Variants in TNR observed in about 807,000 individuals in gnomAD.
TNR encodes tenascin R.
In TNR, 45 loss-of-function variants were observed where a neutral mutation model predicts 150.4. The ratio of observed to expected loss-of-function variants is 0.30; its 90% CI spans 0.24 to 0.38. The LOEUF is 0.38. TNR is among the 10% of genes least tolerant of loss of function. TNR has a pLI of 1.00. For missense variants in TNR, 1,544 were observed against 1,759.1 expected, an observed-to-expected ratio of 0.88 and a Z score of 2.19; for synonymous variants, 687 against 678.4, an observed-to-expected ratio of 1.01 and a Z score of -0.20.
chr1:175,488,994 C>T lies in TNR; in HGVS notation c.-64+39275G>A, dbSNP rs192711683. Among the ~76,000 whole-genome samples the T allele has an allele frequency of 4.1e-3, 621 of 152,224 alleles. 7 individuals are homozygous for T. Among genetic ancestry groups the T allele is most frequent in the Middle Eastern group, 0.037 (11 of 294 alleles). On this transcript the variant is annotated intron_variant, in intron 2 of 22. Coordinates refer to ENST00000367674, the MANE Select transcript of TNR (RefSeq NM_003285.3). ...ATCTGCAAGTGAATTTAAAGTCTAC[C>T]GCGGGTGGGTTGTGGTGAATGTGCC...
intron 1 of TNR, among the ~76,000 whole-genome samples, chr1:175,533,717 T>C (rs1399464566): frequency 6.6e-6 from 1 of 152,188 alleles, no homozygotes; most frequent in Non-Finnish European, 1.5e-5. Context: ...TTTCCCAGAA[T>C]CTCAGGTTTA....
chr1:175,709,018 G>C (rs1175903792), intron 1 of TNR, among the ~76,000 whole-genome samples: 2 of 147,526 alleles, frequency 1.4e-5, no homozygotes, highest in Non-Finnish European at 2.9e-5. Context: ...CCTCACGACA[G>C]CTCCATGATA....
At chr1:175,542,848 C>T (rs938110393) in intron 1 of TNR, among the ~76,000 whole-genome samples, 6 of 152,092 alleles carry the variant, frequency 3.9e-5, no homozygotes, top group African/African-American at 7.2e-5. Context: ...CGCTTTTGCC[C>T]ACATGTAGGG....
At chr1:175,538,139 A>G (rs1660366089) in intron 1 of TNR, among the ~76,000 whole-genome samples, 1 of 152,162 alleles carries the variant, frequency 6.6e-6, no homozygotes, top group Non-Finnish European at 1.5e-5. Context: ...ACAAGACACA[A>G]GGGGTCCATT....
intron 1 of TNR, among the ~76,000 whole-genome samples, chr1:175,593,658 A>G (rs952022609): frequency 6.6e-6 from 1 of 152,248 alleles, no homozygotes; most frequent in Non-Finnish European, 1.5e-5. Flanking sequence ...TTGTATTCCA[A>G]AAGAGCCTGT....
chr1:175,591,444 C>T (rs1022969596), intron 1 of TNR, among the ~76,000 whole-genome samples: 2 of 152,244 alleles, frequency 1.3e-5, no homozygotes, highest in African/African-American at 2.4e-5. Context: ...AGCAGACTCC[C>T]AGCCATGGCT....
At chr1:175,341,018 T>C (rs1040781368) in intron 18 of TNR, among the ~76,000 whole-genome samples, 2 of 152,234 alleles carry the variant, frequency 1.3e-5, no homozygotes, top group African/African-American at 4.8e-5. Flanking sequence ...CTTTGTGTCC[T>C]AGTATTTATT....
chr1:175,418,723 A>AG (rs200695339), intron 2 of TNR, among the ~76,000 whole-genome samples: 8,408 of 136,926 alleles, frequency 0.061, 287 homozygotes, highest in Middle Eastern at 0.14. Flanking sequence ...AGAGAGAGAG[A>AG]AAAAAAAAAA....
intron 2 of TNR, among the ~76,000 whole-genome samples, chr1:175,444,472 C>T (rs921874083): frequency 6.6e-6 from 1 of 152,220 alleles, no homozygotes; most frequent in African/African-American, 2.4e-5. Context: ...TTCCTTACTC[C>T]TTGGTCTGTG....
chr1:175,680,977 C>T (rs1666017199), intron 1 of TNR, among the ~76,000 whole-genome samples: 2 of 152,126 alleles, frequency 1.3e-5, no homozygotes, highest in African/African-American at 4.8e-5. Context: ...TCCCCCTGTG[C>T]AAATGGGGAT....
intron 2 of TNR, among the ~76,000 whole-genome samples, chr1:175,481,929 C>A (rs1326796255): frequency 6.6e-6 from 1 of 152,096 alleles, no homozygotes; most frequent in Admixed American, 6.5e-5. Flanking sequence ...TCCTCTGTAC[C>A]AGACCCAACT....
chr1:175,380,564 C>T (rs1652626256), intron 8 of TNR, among the ~76,000 whole-genome samples: 1 of 150,696 alleles, frequency 6.6e-6, no homozygotes, highest in Middle Eastern at 3.4e-3. Context: ...GAGTGAGACT[C>T]TGTCTCCAAA....
At chr1:175,701,996 C>T (rs1320368124) in intron 1 of TNR, among the ~76,000 whole-genome samples, 2 of 152,224 alleles carry the variant, frequency 1.3e-5, no homozygotes, top group Non-Finnish European at 2.9e-5. Flanking sequence ...CTCTGTAACA[C>T]AATAGATGCT....
At chr1:175,733,290 A>G (rs1411075952) in intron 1 of TNR, among the ~76,000 whole-genome samples, 1 of 152,214 alleles carries the variant, frequency 6.6e-6, no homozygotes, top group Non-Finnish European at 1.5e-5. Context: ...AGAGGCCCAC[A>G]GGACCCCCCT....
chr1:175,331,162 T>TTTCTTTCCTTCCTTCCTTCC (rs1229401260), intron 20 of TNR, among the ~76,000 whole-genome samples: 1 of 70,808 alleles, frequency 1.4e-5, no homozygotes, highest in Non-Finnish European at 2.5e-5. Flanking sequence ...TTTCTTTTTC[T>TTTCTTTCCTTCCTTCCTTCC]TTCCTTCCTT....
intron 1 of TNR, among the ~76,000 whole-genome samples, chr1:175,742,017 G>A (rs986341828): frequency 2.6e-5 from 4 of 152,130 alleles, no homozygotes; most frequent in African/African-American, 4.8e-5. Flanking sequence ...CTGGCTCCAC[G>A]GAGACTTGAA....
intron 1 of TNR, among the ~76,000 whole-genome samples, chr1:175,597,726 C>A (rs1663064640): frequency 6.6e-6 from 1 of 152,186 alleles, no homozygotes; most frequent in South Asian, 2.1e-4. Context: ...CCCTAGTTAG[C>A]TGGACCAGTC....
intron 1 of TNR, among the ~76,000 whole-genome samples, chr1:175,546,327 G>A (rs944567312): frequency 7.9e-5 from 12 of 152,180 alleles, no homozygotes; most frequent in Non-Finnish European, 1.8e-4. Context: ...ATGGGGGTGA[G>A]GTTAAGTGGG....
At chr1:175,630,901 A>G (rs1309736917) in intron 1 of TNR, among the ~76,000 whole-genome samples, 3 of 152,220 alleles carry the variant, frequency 2.0e-5, no homozygotes, top group Admixed American at 6.5e-5. Flanking sequence ...AGGCCTCTGC[A>G]TGGTCTATCC....
Sources: allele counts gnomAD v4.1 joint callset (sites outside exome capture counted in the v4.1 genomes callset), GRCh38; gene constraint gnomAD v4.1.1; transcripts MANE v1.5; gene names NCBI Gene and HGNC (gene_info 2026-07-23, HGNC 2026-07-21).